Variants in DCDC2 observed in about 807,000 individuals in gnomAD.
The protein encoded by DCDC2 is doublecortin domain containing 2.
Under a neutral mutation model 50.2 loss-of-function variants are expected in DCDC2, and 40 were observed. The observed-to-expected ratio is 0.80, with a 90% confidence interval of 0.62 to 1.04. DCDC2 has a LOEUF of 1.04. Ranked by LOEUF, DCDC2 falls within the 50% of genes least tolerant of loss-of-function variation. DCDC2 has a pLI of 0.00. For missense variants in DCDC2, 570 were observed against 581.9 expected (o/e 0.98, Z 0.21); for synonymous variants, 234 against 210.6 (o/e 1.11, Z -0.96).
intron 2 of DCDC2, among the ~76,000 whole-genome samples, chr6:24,327,919 T>C (rs999856754): frequency 2.6e-5 from 4 of 152,230 alleles, no homozygotes; most frequent in Admixed American, 2.6e-4. Context: ...TATGTTTAGC[T>C]TGATGCATTC....
intron 7 of DCDC2, among the ~76,000 whole-genome samples, chr6:24,229,130 C>T (rs995419516): frequency 6.6e-6 from 1 of 152,180 alleles, no homozygotes; most frequent in Non-Finnish European, 1.5e-5. Flanking sequence ...AAACAACACA[C>T]ATTTATTGTC....
At chr6:24,227,238 A>G (rs1304597635) in intron 7 of DCDC2, among the ~76,000 whole-genome samples, 1 of 152,184 alleles carries the variant, frequency 6.6e-6, no homozygotes, top group African/African-American at 2.4e-5. Context: ...TCTGGATGAG[A>G]TGCCAGTTTT....
chr6:24,203,358 C>G lies in DCDC2; in HGVS notation c.1023+1644G>C, dbSNP rs191274048. ...ACATCTACAACCATCTGATCTTTGA[C>G]AAACCTGACAAAAACAAGCAATGGG... On this transcript the variant is annotated intron_variant, in intron 8 of 9. Transcript: ENST00000378454. Among the ~76,000 whole-genome samples, 3 of 152,232 alleles carry G rather than the reference C, an allele frequency of 2.0e-5. No homozygotes were observed. The East Asian group carries it at 5.8e-4, about 29-fold the overall frequency.
At chr6:24,291,140 A>G in intron 4 of DCDC2, 62 bp from the exon 5 acceptor site, 1 of 1,501,976 alleles carries the variant, frequency 6.7e-7, no homozygotes, top group Non-Finnish European at 9.1e-7. Context: ...ATTGCTTAAG[A>G]TTACAAAGTA....
intron 7 of DCDC2, among the ~76,000 whole-genome samples, chr6:24,209,157 C>G (rs1418862059): frequency 6.6e-6 from 1 of 152,092 alleles, no homozygotes; most frequent in Non-Finnish European, 1.5e-5. Flanking sequence ...TGGACAAAGT[C>G]AAAGATAAAA....
chr6:24,205,221 T>C (rs761288413), intron 7 of DCDC2, 119 bp from the exon 8 acceptor site: 10 of 1,609,284 alleles, frequency 6.2e-6, no homozygotes, highest in South Asian at 3.3e-5. Context: ...TTTTAGTTGA[T>C]AGTATTTTTG....
intron 7 of DCDC2, among the ~76,000 whole-genome samples, chr6:24,220,492 G>A (rs1419263782): frequency 6.6e-6 from 1 of 152,164 alleles, no homozygotes; most frequent in East Asian, 1.9e-4. Flanking sequence ...TTGAACATGA[G>A]GTCCTACATC....
intron 9 of DCDC2, among the ~76,000 whole-genome samples, chr6:24,177,711 G>C (rs1030885638): frequency 3.3e-5 from 5 of 152,178 alleles, no homozygotes; most frequent in Admixed American, 1.3e-4. Flanking sequence ...GCTAGGAAAA[G>C]AGAGATTTCA....
intron 7 of DCDC2, among the ~76,000 whole-genome samples, chr6:24,233,910 T>C (rs1762388506): frequency 6.6e-6 from 1 of 152,220 alleles, no homozygotes; most frequent in Non-Finnish European, 1.5e-5. Context: ...ATTATTTTAC[T>C]CAACAAACAT....
intron 7 of DCDC2, among the ~76,000 whole-genome samples, chr6:24,267,185 T>C (rs932440241): frequency 6.6e-6 from 1 of 152,136 alleles, no homozygotes; most frequent in Non-Finnish European, 1.5e-5. Flanking sequence ...GGAGTGGAGA[T>C]GGTTAATGGG....
At chr6:24,335,427 A>T (rs964268164) in intron 2 of DCDC2, among the ~76,000 whole-genome samples, 26 of 152,242 alleles carry the variant, frequency 1.7e-4, no homozygotes, top group Admixed American at 1.7e-3. Flanking sequence ...AAGGATGTAT[A>T]GTAAGTATTT....
At chr6:24,317,311 A>G (rs1320839712) in intron 2 of DCDC2, among the ~76,000 whole-genome samples, 5 of 152,088 alleles carry the variant, frequency 3.3e-5, no homozygotes, top group Non-Finnish European at 5.9e-5. Flanking sequence ...GGAATAGACT[A>G]GAAAGCCCAG....
the DCDC2 span, among the ~76,000 whole-genome samples, chr6:24,374,782 C>A: frequency 6.6e-6 from 1 of 152,068 alleles, no homozygotes; most frequent in South Asian, 2.1e-4. Context: ...CTGACTGAGA[C>A]GCAGCTCAGG....
In DCDC2 at chr6:24,173,892, A is replaced by G. The variant is rs1760840006; in HGVS notation, c.*838T>C. 6.6e-6 allele frequency: 1 copy of G among 152,226 alleles called. No homozygotes were observed. The highest frequency in any genetic ancestry group is 1.5e-5 in the Non-Finnish European group (1 of 68,036). The allele number at this position is 152,226 out of a possible 1,614,324, so 9.4% of individuals were successfully genotyped here. ...TTGAAAATAATTTAATCTTTGGAAT[A>G]GCCAATATCAGGTTCTCTAATAACA... On this transcript the variant is annotated 3_prime_UTR_variant, in exon 10 of 10. Transcript: ENST00000378454.
At chr6:24,222,300 T>G (rs1195944225) in intron 7 of DCDC2, among the ~76,000 whole-genome samples, 1 of 152,236 alleles carries the variant, frequency 6.6e-6, no homozygotes, top group East Asian at 1.9e-4. Context: ...GCTTCATGTT[T>G]TTTGCTTAAT....
chr6:24,332,967 G>C (rs562574853), intron 2 of DCDC2, among the ~76,000 whole-genome samples: 1 of 152,308 alleles, frequency 6.6e-6, no homozygotes, highest in Non-Finnish European at 1.5e-5. Context: ...GCTGTAGCAA[G>C]TGCTGCAAAG....
chr6:24,196,280 T>C (rs60289977), intron 8 of DCDC2, among the ~76,000 whole-genome samples: 2,278 of 152,140 alleles, frequency 0.015, 54 homozygotes, highest in African/African-American at 0.052. Context: ...TTAAGTTGGA[T>C]AGACAGCATT....
At chr6:24,187,640 C>T (rs1465031665) in intron 8 of DCDC2, among the ~76,000 whole-genome samples, 1 of 152,154 alleles carries the variant, frequency 6.6e-6, no homozygotes, top group Non-Finnish European at 1.5e-5. Flanking sequence ...CTGGAAGTTT[C>T]TTGAAGTAAG....
intron 2 of DCDC2, among the ~76,000 whole-genome samples, chr6:24,303,078 G>T (rs893280517): frequency 6.6e-6 from 1 of 151,454 alleles, no homozygotes; most frequent in Non-Finnish European, 1.5e-5. Flanking sequence ...TTTTGTCCCC[G>T]GCTGTCTCTG....
Sources: gnomAD v4.1 joint callset for allele counts (sites outside exome capture counted in the v4.1 genomes callset) on GRCh38, gnomAD v4.1.1 for gene constraint, MANE v1.5 for transcripts, NCBI Gene and HGNC (gene_info 2026-07-23, HGNC 2026-07-21) for gene names.